Variants in GLT8D2 observed in about 807,000 individuals in gnomAD.
GLT8D2 encodes glycosyltransferase 8 domain-containing protein 2.
A neutral mutation model predicts 44.5 loss-of-function variants in GLT8D2; 45 were observed. That is an observed-to-expected ratio of 1.01 (90% CI 0.80 to 1.30). The LOEUF (loss-of-function observed/expected upper bound fraction) is 1.30, where lower values mean the gene tolerates loss of function less well. Among genes scored for constraint, GLT8D2 ranks in the 50% most tolerant of loss-of-function variants. The pLI is 0.00. For synonymous variants in GLT8D2, 156 were observed against 157.2 expected, an observed-to-expected ratio of 0.99 and a Z score of 0.06; for missense variants, 400 against 430.4, an observed-to-expected ratio of 0.93 and a Z score of 0.62.
intron 1 of GLT8D2, among the ~76,000 whole-genome samples, chr12:104,033,841 C>T (rs78597758): frequency 0.27 from 39,284 of 147,914 alleles, 6,222 homozygotes; most frequent in Non-Finnish European, 0.35. Flanking sequence ...TATTTTTTTT[C>T]AGAGACAGGA....
At chr12:104,049,355 CT>C (rs1168182850) in intron 1 of GLT8D2, 1 of 151,392 alleles carries the variant, frequency 6.6e-6, no homozygotes, top group African/African-American at 2.4e-5. Context: ...AACATAAGAT[CT>C]TTTTTAATGT....
intron 8 of GLT8D2, among the ~76,000 whole-genome samples, chr12:103,995,836 T>C (rs1030993201): frequency 9.2e-5 from 14 of 152,228 alleles, no homozygotes; most frequent in Admixed American, 2.0e-4. Flanking sequence ...TTGAGTACTT[T>C]CTATACACCA....
chr12:104,030,901 C>T (rs1879170034), intron 1 of GLT8D2: 1 of 1,534,556 alleles, frequency 6.5e-7, no homozygotes, highest in Non-Finnish European at 8.9e-7. Context: ...CGAAGCGCGG[C>T]GGGCAGGCGC....
chr12:104,002,630 GA>G (rs1456976210), intron 5 of GLT8D2, among the ~76,000 whole-genome samples: 2 of 152,040 alleles, frequency 1.3e-5, no homozygotes, highest in Non-Finnish European at 2.9e-5. Context: ...AAAAAGAAAG[GA>G]AATCTATTTA....
At chr12:104,003,337 A>T (rs1874510972) in intron 4 of GLT8D2, 31 bp from the exon 5 acceptor site, 1 of 1,606,264 alleles carries the variant, frequency 6.2e-7, no homozygotes, top group African/African-American at 1.3e-5. Flanking sequence ...GTCTTGGAAC[A>T]TGAAAGAATT....
intron 4 of GLT8D2, among the ~76,000 whole-genome samples, chr12:104,008,064 A>C (rs949488171): frequency 6.6e-6 from 1 of 152,214 alleles, no homozygotes; most frequent in Non-Finnish European, 1.5e-5. Flanking sequence ...AAAACGGACT[A>C]ATACAGTAAA....
chr12:104,004,671 G>A (rs965967116), intron 4 of GLT8D2, among the ~76,000 whole-genome samples: 7 of 152,030 alleles, frequency 4.6e-5, no homozygotes, highest in South Asian at 2.1e-4. Flanking sequence ...TCCAACTTAC[G>A]AGAGATGTGA....
intron 10 of GLT8D2, among the ~76,000 whole-genome samples, chr12:103,993,012 G>T (rs183768314): frequency 6.6e-6 from 1 of 152,094 alleles, no homozygotes; most frequent in Non-Finnish European, 1.5e-5. Context: ...CCCTCTCCTC[G>T]CTATGGTGCT....
chr12:104,047,511 G>T (rs538625777), intron 1 of GLT8D2, among the ~76,000 whole-genome samples: 12 of 152,108 alleles, frequency 7.9e-5, no homozygotes, highest in African/African-American at 2.7e-4. Flanking sequence ...TCTCCATGTT[G>T]GTCAGTCTGG....
rs1290833655 is a variant in GLT8D2, at chr12:104,058,375, T to C, written c.-423+5574A>G. Among the ~76,000 whole-genome samples, 3 of 152,184 alleles carry C rather than the reference T, an allele frequency of 2.0e-5. No individual in the cohort carries two copies. In the East Asian group the frequency reaches 5.8e-4, roughly 29 times the overall value. On this transcript the variant is annotated intron_variant, in intron 1 of 10. Coordinates refer to the GLT8D2 transcript ENST00000548660. ...CTGCTCAGAGTTTTTTAAACTTCTC[T>C]GTGGCCCCAGCAAATGTCTCATCCT... is the stretch of plus-strand genomic sequence containing the variant.
chr12:104,048,056 C>G (rs539056890), intron 1 of GLT8D2, among the ~76,000 whole-genome samples: 1 of 152,216 alleles, frequency 6.6e-6, no homozygotes, highest in African/African-American at 2.4e-5. Flanking sequence ...AGTTTGCTGA[C>G]TTCTGATCTC....
chr12:103,997,677 T>C, intron 6 of GLT8D2, 142 bp from the exon 7 acceptor site: 1 of 629,316 alleles, frequency 1.6e-6, no homozygotes, highest in Admixed American at 2.8e-5. Context: ...TAGCAAGATG[T>C]CTCATCTGAG....
intron 1 of GLT8D2, among the ~76,000 whole-genome samples, chr12:104,022,050 G>GA (rs2136388232): frequency 1.9e-5 from 2 of 103,820 alleles, no homozygotes; most frequent in South Asian, 3.1e-4. Flanking sequence ...AGAAGAAGAA[G>GA]AAGAAGGGAA....
chr12:104,003,586 G>A (rs1257385732), intron 4 of GLT8D2, among the ~76,000 whole-genome samples: 1 of 152,040 alleles, frequency 6.6e-6, no homozygotes, highest in East Asian at 1.9e-4. Flanking sequence ...GCCACTGCTG[G>A]GTCTACCCTT....
At chr12:104,041,671 C>T (rs1235450136) in intron 1 of GLT8D2, among the ~76,000 whole-genome samples, 1 of 152,182 alleles carries the variant, frequency 6.6e-6, no homozygotes, top group Non-Finnish European at 1.5e-5. Context: ...TTCTTTGATT[C>T]ATTCAACAAA....
intron 1 of GLT8D2, among the ~76,000 whole-genome samples, chr12:104,056,676 A>G (rs1308231483): frequency 6.6e-6 from 1 of 152,218 alleles, no homozygotes; most frequent in Non-Finnish European, 1.5e-5. Context: ...CCAATAATAC[A>G]GTTCAAATTT....
chr12:104,019,118 C>CTTTTTTT (rs11291563), intron 3 of GLT8D2, among the ~76,000 whole-genome samples: 15 of 116,436 alleles, frequency 1.3e-4, no homozygotes, highest in African/African-American at 2.3e-4. Flanking sequence ...ACTTCTTCTT[C>CTTTTTTT]TTTTTTTTTT....
intron 4 of GLT8D2, among the ~76,000 whole-genome samples, chr12:104,005,675 A>G (rs1275990001): frequency 6.6e-6 from 1 of 152,224 alleles, no homozygotes; most frequent in East Asian, 1.9e-4. Context: ...AATCAAAACC[A>G]CAATGAGATA....
intron 1 of GLT8D2, among the ~76,000 whole-genome samples, chr12:104,040,705 T>C (rs1273722987): frequency 6.6e-6 from 1 of 151,962 alleles, no homozygotes; most frequent in Non-Finnish European, 1.5e-5. Flanking sequence ...ATTACAGGCG[T>C]GAGCCACCAC....
Sources: gnomAD v4.1 joint callset for allele counts (sites outside exome capture counted in the v4.1 genomes callset) on GRCh38, gnomAD v4.1.1 for gene constraint, MANE v1.5 for transcripts, NCBI Gene and HGNC (gene_info 2026-07-23, HGNC 2026-07-21) for gene names.